DPP10: variants seen among roughly 807,000 people sequenced by gnomAD.
DPP10 encodes inactive dipeptidyl peptidase 10.
In DPP10, 33 loss-of-function variants were observed where a neutral mutation model predicts 120.9. That is an observed-to-expected ratio of 0.27 (90% CI 0.21 to 0.37). The LOEUF is 0.37. Ranked by LOEUF, DPP10 falls within the 10% of genes least tolerant of loss-of-function variation. The probability of loss-of-function intolerance (pLI) is 1.00; values close to 1 mark genes in which losing one functional copy is unlikely to be tolerated. For synonymous variants in DPP10, 337 were observed against 326.1 expected (o/e 1.03, Z -0.36); for missense variants, 816 against 942.8 (o/e 0.87, Z 1.76).
intron 2 of DPP10, among the ~76,000 whole-genome samples, chr2:115,330,267 C>A (rs989666485): frequency 4.6e-5 from 7 of 152,068 alleles, no homozygotes; most frequent in African/African-American, 1.7e-4. Context: ...TATCTTTTGC[C>A]CACTTTTTGT....
chr2:114,786,782 T>C (rs1210390799), intron 1 of DPP10, among the ~76,000 whole-genome samples: 1 of 152,196 alleles, frequency 6.6e-6, no homozygotes, highest in African/African-American at 2.4e-5. Flanking sequence ...ACCAAAGCAG[T>C]GTGGTGTTCT....
chr2:115,117,816 G>A (rs1184872542), intron 1 of DPP10, among the ~76,000 whole-genome samples: 1 of 152,076 alleles, frequency 6.6e-6, no homozygotes, highest in Non-Finnish European at 1.5e-5. Flanking sequence ...GGTCGGGGAG[G>A]GGAGGAAATA....
intron 1 of DPP10, among the ~76,000 whole-genome samples, chr2:114,987,392 T>C (rs1458034611): frequency 1.3e-5 from 2 of 152,208 alleles, no homozygotes; most frequent in East Asian, 1.9e-4. Flanking sequence ...AGGCTTGAGA[T>C]AAATTTTCCA....
intron 3 of DPP10, among the ~76,000 whole-genome samples, chr2:115,411,055 C>T (rs912432223): frequency 5.9e-5 from 9 of 151,996 alleles, no homozygotes; most frequent in Non-Finnish European, 1.3e-4. Context: ...AGGGGCTGGG[C>T]GCAGTAGCTC....
chr2:115,430,978 A>G (rs913311587), intron 3 of DPP10, among the ~76,000 whole-genome samples: 9 of 152,214 alleles, frequency 5.9e-5, no homozygotes, highest in Non-Finnish European at 8.8e-5. Flanking sequence ...TTAAGATCCA[A>G]TCTGCATGCA....
At chr2:115,500,167 C>A (rs566464436) in intron 4 of DPP10, among the ~76,000 whole-genome samples, 29 of 151,984 alleles carry the variant, frequency 1.9e-4, no homozygotes, top group African/African-American at 6.3e-4. Flanking sequence ...CAGACTTTGT[C>A]TTTCTGAAAA....
chr2:115,226,230 C>G (rs1263639018), intron 1 of DPP10, among the ~76,000 whole-genome samples: 2 of 152,052 alleles, frequency 1.3e-5, no homozygotes, highest in Non-Finnish European at 2.9e-5. Flanking sequence ...TATTACAGTT[C>G]AGTTTATCAT....
At chr2:115,678,196 A>G (rs911497228) in intron 5 of DPP10, among the ~76,000 whole-genome samples, 2 of 152,244 alleles carry the variant, frequency 1.3e-5, no homozygotes, top group African/African-American at 4.8e-5. Flanking sequence ...GCCAAATGTT[A>G]ATCACCAAGG....
At chr2:115,003,209 T>A (rs561711400) in intron 1 of DPP10, among the ~76,000 whole-genome samples, 52 of 149,022 alleles carry the variant, frequency 3.5e-4, no homozygotes, top group Non-Finnish European at 7.1e-4. Context: ...AATCATGTCC[T>A]TTGCAGTGAC....
At chr2:114,460,029 A>G (rs753001537) in intron 1 of DPP10, among the ~76,000 whole-genome samples, 7 of 152,194 alleles carry the variant, frequency 4.6e-5, no homozygotes, top group Non-Finnish European at 7.3e-5. Context: ...GGTATGTTAG[A>G]CCAAGAAAAA....
intron 8 of DPP10, among the ~76,000 whole-genome samples, chr2:115,731,179 G>A (rs12998374): frequency 0.32 from 48,541 of 151,886 alleles, 8,151 homozygotes; most frequent in Middle Eastern, 0.43. Context: ...CCAACATGGT[G>A]AAACCCCGTC....
chr2:115,013,230 A>G (rs1001959539), intron 1 of DPP10, among the ~76,000 whole-genome samples: 2 of 151,950 alleles, frequency 1.3e-5, no homozygotes, highest in Non-Finnish European at 2.9e-5. Flanking sequence ...TCTGTAAAGG[A>G]TTTTATTTTT....
At chr2:115,763,694 GCTAA>G (rs983812524) in intron 12 of DPP10, among the ~76,000 whole-genome samples, 6 of 152,096 alleles carry the variant, frequency 3.9e-5, no homozygotes, top group African/African-American at 1.2e-4. Context: ...CACACTGCAG[GCTAA>G]CTGAGTGACC....
intron 3 of DPP10, among the ~76,000 whole-genome samples, chr2:115,382,553 C>T (rs1181777525): frequency 2.6e-5 from 4 of 152,216 alleles, no homozygotes; most frequent in Non-Finnish European, 5.9e-5. Context: ...TAGACTGGAG[C>T]TGTTCCTATT....
intron 1 of DPP10, among the ~76,000 whole-genome samples, chr2:115,108,409 A>T (rs960778560): frequency 2.0e-5 from 3 of 152,210 alleles, no homozygotes; most frequent in Admixed American, 6.5e-5. Flanking sequence ...GCTCAAGCAA[A>T]TTATTTCCTT....
intron 1 of DPP10, among the ~76,000 whole-genome samples, chr2:114,826,393 C>T (rs1047423028): frequency 6.6e-6 from 1 of 152,118 alleles, no homozygotes; most frequent in Non-Finnish European, 1.5e-5. Context: ...TTTCCTCACC[C>T]AGGGACCTAT....
chr2:115,233,908 C>G (rs1351016554), intron 1 of DPP10: 1 of 516,616 alleles, frequency 1.9e-6, no homozygotes, highest in African/African-American at 1.9e-5. Flanking sequence ...AGCCCTTCTT[C>G]TGCCCAGTAG....
intron 2 of DPP10, among the ~76,000 whole-genome samples, chr2:115,335,810 T>G (rs542620580): frequency 6.6e-6 from 1 of 151,910 alleles, no homozygotes; most frequent in Non-Finnish European, 1.5e-5. Flanking sequence ...CCATGGAAAA[T>G]GAAGAATACG....
chr2:115,014,466 T>A (rs114962560), intron 1 of DPP10, among the ~76,000 whole-genome samples: 1,552 of 151,946 alleles, frequency 0.01, 12 homozygotes, highest in Non-Finnish European at 0.017. Context: ...AATTCAAAAC[T>A]AGCAGAAGAC....
Sources: gnomAD v4.1 joint callset for allele counts (sites outside exome capture counted in the v4.1 genomes callset) on GRCh38, gnomAD v4.1.1 for gene constraint, MANE v1.5 for transcripts, NCBI Gene and HGNC (gene_info 2026-07-23, HGNC 2026-07-21) for gene names.